The following RREB1 variants were observed in gnomAD, a reference collection of about 807,000 sequenced individuals.
The protein encoded by RREB1 is ras responsive element binding protein 1.
Under a neutral mutation model 117.8 loss-of-function variants are expected in RREB1, and 27 were observed. The ratio of observed to expected loss-of-function variants is 0.23; its 90% CI spans 0.17 to 0.32. RREB1 has a LOEUF of 0.32. RREB1 is among the 10% of genes least tolerant of loss of function. RREB1 has a pLI of 1.00. For missense variants in RREB1, 2,577 were observed against 2,378.2 expected (o/e 1.08, Z -1.74); for synonymous variants, 1,298 against 1,026.7 (o/e 1.26, Z -5.05).
chr6:7,228,527 AG>A (rs1441796154), intron 9 of RREB1, among the ~76,000 whole-genome samples: 1 of 127,638 alleles, frequency 7.8e-6, no homozygotes, highest in African/African-American at 3.1e-5. Flanking sequence ...TTTTTAAGGC[AG>A]AGTCTTGTTC....
chr6:7,229,517 T>C lies in RREB1; in HGVS notation c.1418T>C (p.Ile473Thr). ...ATCGAGCTGGCAGACATCCAGCAAA[T>C]TCTGAAGATGGCAGCCTCGGCTCCC... is the stretch of plus-strand genomic sequence containing the variant. ...SAIELADIQQILKMAASAPPQ... is the reference protein window; with the variant it reads ...SAIELADIQQTLKMAASAPPQ... The change falls in exon 10 of 13, where the codon ATT becomes ACT. Residue 473 changes from isoleucine (I) to threonine (T), a missense_variant. Physicochemically the swap from Ile to Thr is moderately conservative, Grantham distance 89. Transcript: ENST00000379938. The surrounding 1 kb of genome is among the most constrained non-coding windows in gnomAD (Gnocchi z 4.5). The C allele has an allele frequency of 6.2e-7, 1 of 1,614,076 alleles. No individual in the cohort carries two copies. The highest frequency in any genetic ancestry group is 8.5e-7 in the Non-Finnish European group (1 of 1,180,016).
intron 1 of RREB1, chr6:7,139,287 A>C (rs1278508003): frequency 6.6e-6 from 1 of 152,166 alleles, no homozygotes; most frequent in Non-Finnish European, 1.5e-5. Context: ...CAGTGTGTGT[A>C]TGTATATGTT....
chr6:7,161,740 T>C (rs145178927), intron 1 of RREB1, among the ~76,000 whole-genome samples: 129 of 152,342 alleles, frequency 8.5e-4, no homozygotes, highest in Non-Finnish European at 1.7e-3. Flanking sequence ...GGGAGCTCTC[T>C]TCCTAACTCC....
At chr6:7,159,805 T>G (rs951253422) in intron 1 of RREB1, among the ~76,000 whole-genome samples, 1 of 152,228 alleles carries the variant, frequency 6.6e-6, no homozygotes, top group African/African-American at 2.4e-5. Flanking sequence ...TTCTGTCCTT[T>G]CCTGGAAATC....
intron 11 of RREB1, among the ~76,000 whole-genome samples, chr6:7,245,376 C>G (rs1052748982): frequency 1.3e-5 from 2 of 152,140 alleles, no homozygotes; most frequent in Non-Finnish European, 2.9e-5. Context: ...GCCTGGGCGA[C>G]AAGGCGAAAC....
At chr6:7,150,484 G>C (rs1763067177) in intron 1 of RREB1, among the ~76,000 whole-genome samples, 1 of 152,160 alleles carries the variant, frequency 6.6e-6, no homozygotes, top group East Asian at 1.9e-4. Flanking sequence ...TTAAACTATA[G>C]TTGTGCATAT....
intron 1 of RREB1, among the ~76,000 whole-genome samples, chr6:7,125,435 A>G (rs1761865101): frequency 6.6e-6 from 1 of 152,120 alleles, no homozygotes; most frequent in African/African-American, 2.4e-5. Flanking sequence ...CTAGTCCTCC[A>G]TGTGGTTAAT....
chr6:7,240,677 A>C (rs1768651751), intron 11 of RREB1, 75 bp downstream of exon 11: 11 of 1,396,986 alleles, frequency 7.9e-6, no homozygotes, highest in Non-Finnish European at 1.1e-5. Context: ...AGCAAACTCC[A>C]GTCCGAGCTG....
intron 1 of RREB1, among the ~76,000 whole-genome samples, chr6:7,131,537 A>T (rs1388083652): frequency 6.6e-6 from 1 of 152,240 alleles, no homozygotes; most frequent in Non-Finnish European, 1.5e-5. Flanking sequence ...AACTTGCCCA[A>T]GGTTACTCTA....
chr6:7,182,156 C>G, intron 4 of RREB1, 74 bp downstream of exon 4: 3 of 1,350,460 alleles, frequency 2.2e-6, no homozygotes, highest in Non-Finnish European at 3.1e-6. Flanking sequence ...TTCCGAGTTT[C>G]CTATGATAAA....
intron 1 of RREB1, among the ~76,000 whole-genome samples, chr6:7,115,941 G>A (rs1761377735): frequency 6.6e-6 from 1 of 152,114 alleles, no homozygotes; most frequent in Non-Finnish European, 1.5e-5. Context: ...CAGGCCCTCT[G>A]CAAAACCACA....
At position 7,231,398 on chromosome 6, in the gene RREB1, C is replaced by T. The variant is rs1201493248; in HGVS notation, c.3299C>T (p.Ala1100Val). ...GCAAGCACTGGCAGTAACACCACGG[C>T]TTCAGACAGCTTAGGAGGTTCTGTC... ...GPASTGSNTT[A>V]SDSLGGSVPK... The change falls in exon 10 of 13, where the codon GCT becomes GTT. Residue 1100 changes from alanine (A) to valine (V), a missense_variant. Transcript: ENST00000379938. 1.9e-6 allele frequency: 3 copies of T among 1,613,520 alleles called. No individual in the cohort carries two copies. The East Asian group carries it at 6.7e-5, about 36-fold the overall frequency.
chr6:7,109,004 G>A (rs1354233698), intron 1 of RREB1, among the ~76,000 whole-genome samples: 40 of 148,232 alleles, frequency 2.7e-4, no homozygotes, highest in African/African-American at 9.8e-4. Context: ...CCTCGGTGTG[G>A]AGCTAGCCTG....
At chr6:7,142,349 GCCCTCGGCACCACCGGGTGCGT>G (rs909005198) in intron 1 of RREB1, among the ~76,000 whole-genome samples, 2 of 152,078 alleles carry the variant, frequency 1.3e-5, no homozygotes, top group African/African-American at 4.8e-5. Context: ...CAGCTGCGCT[GCCCTCGGCACCACCGGGTGCGT>G]CCCCCCGCAA....
Position 7,230,142 on chromosome 6 carries a change from C to T in RREB1, c.2043C>T (p.Ala681=), listed in dbSNP as rs1311213263. Reference sequence around the variant, plus strand: ...GCAACATCTGCGACTACATCGCCGCCGACAAGGCCGCGCTCATCCGCCACC... The same window carrying T: ...GCAACATCTGCGACTACATCGCCGCTGACAAGGCCGCGCTCATCCGCCACC... ...YQCNICDYIA[A]DKAALIRHLR... The change falls in exon 10 of 13, where the codon GCC becomes GCT. Residue 681 remains alanine (A), a synonymous_variant. Transcript: ENST00000379938. 3 of 1,605,058 alleles carry T rather than the reference C, an allele frequency of 1.9e-6. No individual in the cohort carries two copies. The highest frequency in any genetic ancestry group is 2.2e-5 in the East Asian group (1 of 44,772).
intron 11 of RREB1, among the ~76,000 whole-genome samples, chr6:7,245,073 A>G (rs182267915): frequency 1.3e-5 from 2 of 152,294 alleles, no homozygotes; most frequent in Non-Finnish European, 1.5e-5. Context: ...CCACCCAATT[A>G]TCAGAGGAAC....
chr6:7,162,273 T>TAA (rs879255988), intron 1 of RREB1, among the ~76,000 whole-genome samples: 1 of 142,106 alleles, frequency 7.0e-6, no homozygotes, highest in East Asian at 2.0e-4. Context: ...CAGTTTACCC[T>TAA]AAAAAAAAAA....
chr6:7,236,766 C>A (rs1768347896), intron 10 of RREB1, among the ~76,000 whole-genome samples: 1 of 151,668 alleles, frequency 6.6e-6, no homozygotes, highest in African/African-American at 2.4e-5. Context: ...AGGCCAAGGC[C>A]CCAATCTCCT....
intron 8 of RREB1, chr6:7,218,784 C>G (rs1011266174): frequency 3.4e-5 from 5 of 145,172 alleles, no homozygotes; most frequent in Non-Finnish European, 7.5e-5. Flanking sequence ...ATATTTATCA[C>G]ACTGCATTTC....
Sources: gnomAD v4.1 joint callset for allele counts (sites outside exome capture counted in the v4.1 genomes callset) on GRCh38, gnomAD v4.1.1 for gene constraint, Gnocchi (gnomAD v3.1) non-coding constraint, MANE v1.5 for transcripts, NCBI Gene and HGNC (gene_info 2026-07-23, HGNC 2026-07-21) for gene names.